MYRIP: variants seen among roughly 807,000 people sequenced by gnomAD.
The protein encoded by MYRIP is myosin VIIA and Rab interacting protein.
Under a neutral mutation model 98.0 loss-of-function variants are expected in MYRIP, and 49 were observed. The ratio of observed to expected loss-of-function variants is 0.50; its 90% CI spans 0.40 to 0.63. The LOEUF is 0.63. MYRIP is among the 30% of genes least tolerant of loss of function. The pLI is 0.00. For missense variants in MYRIP, 1,004 were observed against 1,058.2 expected (o/e 0.95, Z 0.71); for synonymous variants, 404 against 409.5 (o/e 0.99, Z 0.16).
chr3:40,088,289 C>A (rs943990283), intron 3 of MYRIP, among the ~76,000 whole-genome samples: 8 of 152,112 alleles, frequency 5.3e-5, no homozygotes, highest in African/African-American at 1.9e-4. Flanking sequence ...TCTTGGGAAC[C>A]TGCACTCCTT....
At chr3:39,881,071 A>G (rs1392282690) in intron 1 of MYRIP, among the ~76,000 whole-genome samples, 1 of 151,616 alleles carries the variant, frequency 6.6e-6, no homozygotes, top group Non-Finnish European at 1.5e-5. Flanking sequence ...TATGTTTTCA[A>G]CTTCCATAAG....
chr3:40,047,462 G>A (rs1947694004), intron 3 of MYRIP, among the ~76,000 whole-genome samples: 1 of 152,172 alleles, frequency 6.6e-6, no homozygotes, highest in Admixed American at 6.5e-5. Flanking sequence ...GGGTTACTGA[G>A]GAGTCTTCCA....
At chr3:39,863,264 C>T (rs1942523499) in intron 1 of MYRIP, among the ~76,000 whole-genome samples, 1 of 151,680 alleles carries the variant, frequency 6.6e-6, no homozygotes, top group Admixed American at 6.6e-5. Context: ...AACAAGAAAA[C>T]CAACTCCAAA....
At chr3:39,967,105 A>G (rs1945461941) in intron 2 of MYRIP, among the ~76,000 whole-genome samples, 1 of 152,050 alleles carries the variant, frequency 6.6e-6, no homozygotes, top group African/African-American at 2.4e-5. Flanking sequence ...AATGTAAATT[A>G]CTCTTTTTTT....
At chr3:39,974,997 C>T (rs1376983577) in intron 2 of MYRIP, among the ~76,000 whole-genome samples, 1 of 152,132 alleles carries the variant, frequency 6.6e-6, no homozygotes, top group East Asian at 1.9e-4. Flanking sequence ...GACAGGGATG[C>T]CCTCTCCCAC....
At chr3:40,202,922 T>C (rs986470686) in intron 10 of MYRIP, among the ~76,000 whole-genome samples, 8 of 151,238 alleles carry the variant, frequency 5.3e-5, no homozygotes, top group East Asian at 3.9e-4. Flanking sequence ...TATTTATTTA[T>C]TTATTTATTT....
chr3:39,929,560 A>G (rs1300333699), intron 2 of MYRIP, among the ~76,000 whole-genome samples: 3 of 152,106 alleles, frequency 2.0e-5, no homozygotes, highest in Non-Finnish European at 2.9e-5. Context: ...TAGAATGCAG[A>G]AATAGGCCCG....
At chr3:40,239,524 A>G (rs1952931342) in intron 12 of MYRIP, among the ~76,000 whole-genome samples, 1 of 136,412 alleles carries the variant, frequency 7.3e-6, no homozygotes, top group South Asian at 2.3e-4. Flanking sequence ...AGTCCCACCA[A>G]CAGTGTAAAA....
intron 1 of MYRIP, among the ~76,000 whole-genome samples, chr3:39,888,182 A>G (rs1275244192): frequency 1.3e-5 from 2 of 152,164 alleles, no homozygotes; most frequent in African/African-American, 2.4e-5. Flanking sequence ...AAACTACTTT[A>G]AAGTTCATAT....
intron 2 of MYRIP, among the ~76,000 whole-genome samples, chr3:40,025,349 C>T (rs150746255): frequency 1.8e-4 from 28 of 152,012 alleles, no homozygotes; most frequent in Non-Finnish European, 2.8e-4. Context: ...GCTCTGTTAG[C>T]CTTGACAGAT....
intron 11 of MYRIP, among the ~76,000 whole-genome samples, chr3:40,221,854 T>C (rs886442433): frequency 1.3e-5 from 2 of 152,114 alleles, no homozygotes; most frequent in African/African-American, 2.4e-5. Flanking sequence ...TCATCAAGCA[T>C]TGTGTTTTTA....
intron 1 of MYRIP, among the ~76,000 whole-genome samples, chr3:39,873,651 A>C (rs1942880493): frequency 6.6e-6 from 1 of 151,906 alleles, no homozygotes; most frequent in Non-Finnish European, 1.5e-5. Context: ...ATAGTTGTAG[A>C]TATGTGGCGT....
chr3:39,878,424 C>A (rs944417889), intron 1 of MYRIP, among the ~76,000 whole-genome samples: 2 of 152,162 alleles, frequency 1.3e-5, no homozygotes, highest in African/African-American at 4.8e-5. Flanking sequence ...GCAGAAATCA[C>A]CCATCTTCTG....
At chr3:39,875,133 G>C (rs1942946637) in intron 1 of MYRIP, among the ~76,000 whole-genome samples, 1 of 152,186 alleles carries the variant, frequency 6.6e-6, no homozygotes, top group Non-Finnish European at 1.5e-5. Flanking sequence ...TTGTGTAAAG[G>C]TGTTTGTAGT....
chr3:40,101,071 C>T (rs1353870542), intron 3 of MYRIP, among the ~76,000 whole-genome samples: 1 of 152,166 alleles, frequency 6.6e-6, no homozygotes, highest in Non-Finnish European at 1.5e-5. Context: ...TCAGTATTTA[C>T]TTCCAAATTT....
chr3:39,839,666 GT>G (rs1470467479), intron 1 of MYRIP, among the ~76,000 whole-genome samples: 4 of 152,178 alleles, frequency 2.6e-5, no homozygotes, highest in African/African-American at 9.7e-5. Flanking sequence ...GTGTCCCAGA[GT>G]TTCCGGTACA....
At chr3:39,942,295 A>G (rs114700913) in intron 2 of MYRIP, among the ~76,000 whole-genome samples, 8,016 of 152,164 alleles carry the variant, frequency 0.053, 277 homozygotes, top group Non-Finnish European at 0.076. Flanking sequence ...ACCAATAACC[A>G]TCTAAGAAGC....
At chr3:40,017,675 TAAAG>T (rs894545704) in intron 2 of MYRIP, among the ~76,000 whole-genome samples, 4 of 145,156 alleles carry the variant, frequency 2.8e-5, no homozygotes, top group Non-Finnish European at 6.0e-5. Flanking sequence ...CTAAAATAAA[TAAAG>T]AAATAATTTA....
At chr3:40,129,122 T>G (rs1180579462) in intron 3 of MYRIP, among the ~76,000 whole-genome samples, 1 of 151,776 alleles carries the variant, frequency 6.6e-6, no homozygotes, top group Non-Finnish European at 1.5e-5. Context: ...CTAAGTGGAT[T>G]GTGGTCAAAA....
Sources: allele counts gnomAD v4.1 joint callset (sites outside exome capture counted in the v4.1 genomes callset), GRCh38; gene constraint gnomAD v4.1.1; transcripts MANE v1.5; gene names NCBI Gene and HGNC (gene_info 2026-07-23, HGNC 2026-07-21).